Variants in SLK observed in about 807,000 individuals in gnomAD.
SLK encodes the protein STE20-like serine/threonine-protein kinase.
SLK carries 67 observed loss-of-function variants against 147.7 expected under a neutral mutation model. The observed-to-expected ratio is 0.45, with a 90% CI of 0.37 to 0.56. The LOEUF is 0.56. Among genes scored for constraint, SLK ranks in the 20% least tolerant of loss-of-function variants. The pLI, the probability that SLK is intolerant of heterozygous loss-of-function variation, is 0.00. For synonymous variants in SLK, 441 were observed against 475.0 expected (o/e 0.93, Z 0.93); for missense variants, 1,136 against 1,438.8 (o/e 0.79, Z 3.41).
At chr10:104,021,089 A>G (rs533670664) in intron 17 of SLK, among the ~76,000 whole-genome samples, 1 of 152,360 alleles carries the variant, frequency 6.6e-6, no homozygotes, top group African/African-American at 2.4e-5. Context: ...GTTATTCGAG[A>G]GAGGGCTGAT....
chr10:104,020,539 C>G lies in SLK; in HGVS notation c.3373C>G (p.Gln1125Glu). 6.2e-7 allele frequency: 1 copy of G among 1,613,728 alleles called. No individual in the cohort carries two copies. The highest frequency in any genetic ancestry group is 2.2e-5 in the East Asian group (1 of 44,858). The change falls in exon 17 of 19, where the codon CAG becomes GAG. Residue 1125 changes from glutamine to glutamate, a missense_variant. By Grantham distance (29) the Gln-to-Glu change is conservative (BLOSUM62 2). Around this residue, in one of 6 missense-constraint regions of SLK, gnomAD observed 327 missense variants for 457.5 expected, o/e 0.71. Transcript: ENST00000369755. ...GAAAAATGAGAGAATGGCTCAGCATCAGAAACATGAGAATCAAATGCGAGA... is the reference window on the plus strand; with the variant it reads ...GAAAAATGAGAGAATGGCTCAGCATGAGAAACATGAGAATCAAATGCGAGA... ...RQKNERMAQH[Q>E]KHENQMRDLQ...
At chr10:103,973,574 A>AT (rs1416364773) in intron 1 of SLK, among the ~76,000 whole-genome samples, 1 of 152,202 alleles carries the variant, frequency 6.6e-6, no homozygotes, top group African/African-American at 2.4e-5. Context: ...TTTTGGAAAA[A>AT]TTAACCTCTC....
intron 18 of SLK, among the ~76,000 whole-genome samples, chr10:104,022,903 C>T (rs72821429): frequency 0.071 from 10,830 of 152,228 alleles, 545 homozygotes; most frequent in Non-Finnish European, 0.11. Context: ...CCACCATGCC[C>T]GGCCCATAGT....
At chr10:103,982,679 A>G (rs1267057301) in intron 1 of SLK, among the ~76,000 whole-genome samples, 1 of 152,232 alleles carries the variant, frequency 6.6e-6, no homozygotes, top group Non-Finnish European at 1.5e-5. Flanking sequence ...TTGTAGTCCT[A>G]AAATCTATAC....
In SLK at chr10:103,967,865, G is replaced by A. The variant is rs1482069727; in HGVS notation, c.120G>A (p.Leu40=). 6.2e-7 allele frequency: 1 copy of A among 1,612,202 alleles called. No homozygotes were observed. The highest frequency in any genetic ancestry group is 1.7e-5 in the Admixed American group (1 of 59,696). The stretch of plus-strand genomic sequence containing the variant: ...ACTTTTGGGAGATTATAGGAGAACT[G>A]GGCGACGGAGCCTTTGGGAAAGTGT... ...PEDFWEIIGE[L]GDGAFGKVYK... The change falls in exon 1 of 19, where the codon CTG becomes CTA. Residue 40 remains leucine, a synonymous_variant. Transcript: ENST00000369755.
At position 104,021,601 on chromosome 10, in the gene SLK, A is replaced by G. The variant is rs1377605771; in HGVS notation, c.3448-19A>G. 6.7e-7 allele frequency: 1 copy of G among 1,486,994 alleles called. No individual in the cohort carries two copies. The highest frequency in any genetic ancestry group is 2.0e-5 in the Admixed American group (1 of 48,862). 92.1% of individuals were successfully genotyped at this position (1,486,994 alleles called of 1,614,324 possible). A position where few individuals can be genotyped will look rare whatever the true frequency, so the allele number is the denominator to read the frequency against. On this transcript the variant is annotated intron_variant, in intron 17 of 18. Coordinates refer to ENST00000369755, the MANE Select transcript of SLK (RefSeq NM_014720.4). ...CTTAGTTGATCTGAAATTTTTTTAA[A>G]TCCCAACTTTATTTTCAGAATGAAA...
chr10:104,010,696 G>A (rs1336216722), intron 12 of SLK, 120 bp from the exon 13 acceptor site: 1 of 532,088 alleles, frequency 1.9e-6, no homozygotes, highest in Non-Finnish European at 3.3e-6. Flanking sequence ...CTATGCTAAT[G>A]CATGTTGAAA....
chr10:104,019,614 A>T, intron 15 of SLK, 120 bp from the exon 16 acceptor site: 1 of 809,722 alleles, frequency 1.2e-6, no homozygotes, highest in Non-Finnish European at 2.0e-6. Flanking sequence ...TTTGCTGGTC[A>T]CTGCAACAAG....
intron 13 of SLK, among the ~76,000 whole-genome samples, chr10:104,015,807 G>A (rs1383522215): frequency 6.6e-6 from 1 of 152,002 alleles, no homozygotes; most frequent in Non-Finnish European, 1.5e-5. Context: ...TTTCCCATAA[G>A]TATTTATTCA....
rs56381345 is a variant in SLK, at chr10:103,992,141, G to GTTTTTTTTT, written c.316-447_316-439dup. ...TGAAGCTTTTGTGGGTATTTCTTCT[G>GTTTTTTTTT]TTTTTTTTTTTTTTTTTTCTAAAAG... On this transcript the variant is annotated intron_variant, in intron 2 of 18. Coordinates refer to ENST00000369755, the MANE Select transcript of SLK (RefSeq NM_014720.4). Among the ~76,000 whole-genome samples the GTTTTTTTTT allele has an allele frequency of 8.5e-4, 78 of 91,796 alleles. 10 individuals are homozygous for GTTTTTTTTT. The highest frequency in any genetic ancestry group is 1.6e-3 in the African/African-American group (39 of 24,910). 60.2% of individuals were successfully genotyped at this position (91,796 alleles called of 152,430 possible). A position where few individuals can be genotyped will look rare whatever the true frequency, so the allele number is the denominator to read the frequency against.
At chr10:103,990,043 C>A (rs1844071952) in intron 1 of SLK, among the ~76,000 whole-genome samples, 1 of 152,172 alleles carries the variant, frequency 6.6e-6, no homozygotes, top group Admixed American at 6.5e-5. Flanking sequence ...CATTAAGGAA[C>A]TGTAAATACA....
Position 103,999,265 on chromosome 10 carries a change from TA to T in SLK, c.739del (p.Ile247Ter). On this transcript the variant is annotated frameshift_variant, in exon 6 of 19. Transcript: ENST00000369755. LOFTEE classifies it high-confidence loss of function. ...HHELNPMRVL[L>X]KIAKSEPPTL... ...GAATTAAATCCAATGCGAGTGCTGCTAAAAATAGCAAAATCTGAGCCACCTA... is the reference window on the plus strand; with the variant it reads ...GAATTAAATCCAATGCGAGTGCTGCTAAAATAGCAAAATCTGAGCCACCTA... 1 of 1,613,258 alleles carries T rather than the reference TA, an allele frequency of 6.2e-7. No individual in the cohort carries two copies. The highest frequency in any genetic ancestry group is 8.5e-7 in the Non-Finnish European group (1 of 1,179,670).
chr10:104,004,458 G>C (rs1844297957), intron 9 of SLK, among the ~76,000 whole-genome samples: 1 of 152,206 alleles, frequency 6.6e-6, no homozygotes, highest in Non-Finnish European at 1.5e-5. Context: ...AGGAGCTGAA[G>C]AAATGTGAAG....
At chr10:104,012,182 C>T (rs1481845481) in intron 13 of SLK, among the ~76,000 whole-genome samples, 1 of 152,074 alleles carries the variant, frequency 6.6e-6, no homozygotes, top group Admixed American at 6.5e-5. Context: ...CACTGGGGAC[C>T]ATGACATGGG....
chr10:104,020,069 G>C (rs1007056568), intron 16 of SLK, 147 bp downstream of exon 16: 2 of 667,962 alleles, frequency 3.0e-6, no homozygotes, highest in Non-Finnish European at 5.1e-6. Context: ...TGGGACTATA[G>C]ATACATGGCA....
chr10:103,975,186 C>G (rs1190511056), intron 1 of SLK, among the ~76,000 whole-genome samples: 4 of 150,430 alleles, frequency 2.7e-5, no homozygotes, highest in Non-Finnish European at 5.9e-5. Flanking sequence ...ACCCTAAGAC[C>G]TCCCTTTTGA....
intron 1 of SLK, among the ~76,000 whole-genome samples, chr10:103,972,694 G>GCT (rs1843810406): frequency 6.6e-6 from 1 of 150,846 alleles, no homozygotes; most frequent in South Asian, 2.1e-4. Flanking sequence ...AAATTTCCTT[G>GCT]CTCTGCATCT....
intron 1 of SLK, among the ~76,000 whole-genome samples, chr10:103,976,506 G>A (rs770338715): frequency 1.6e-4 from 25 of 151,874 alleles, no homozygotes; most frequent in Admixed American, 3.9e-4. Flanking sequence ...GATGACTAAT[G>A]AAGTTGAGTG....
intron 1 of SLK, among the ~76,000 whole-genome samples, chr10:103,970,388 A>G (rs1447161830): frequency 2.0e-5 from 3 of 152,334 alleles, no homozygotes; most frequent in Admixed American, 1.3e-4. Flanking sequence ...TCTGAAGAAC[A>G]AGAGTCTTAT....
Sources: allele counts gnomAD v4.1 joint callset (sites outside exome capture counted in the v4.1 genomes callset), GRCh38; gene constraint gnomAD v4.1.1; regional missense constraint gnomAD v4.1.1; transcripts MANE v1.5; gene names NCBI Gene and HGNC (gene_info 2026-07-23, HGNC 2026-07-21).